Variants in CPNE4 observed in about 807,000 individuals in gnomAD.
The protein encoded by CPNE4 is copine 4, also known as copine-4.
Under a neutral mutation model 67.9 loss-of-function variants are expected in CPNE4, and 25 were observed. The ratio of observed to expected loss-of-function variants is 0.37; its 90% CI spans 0.27 to 0.51. The LOEUF (loss-of-function observed/expected upper bound fraction) is 0.51, where lower values mean the gene tolerates loss of function less well. Among genes scored for constraint, CPNE4 ranks in the 20% least tolerant of loss-of-function variants. The pLI is 0.93. For synonymous variants in CPNE4, 242 were observed against 244.9 expected, an observed-to-expected ratio of 0.99 and a Z score of 0.11; for missense variants, 464 against 690.8, an observed-to-expected ratio of 0.67 and a Z score of 3.68.
At chr3:131,601,008 G>T (rs1207792109) in intron 7 of CPNE4, among the ~76,000 whole-genome samples, 3 of 152,122 alleles carry the variant, frequency 2.0e-5, no homozygotes, top group East Asian at 3.9e-4. Flanking sequence ...CAAAATCAGA[G>T]AATTGGTTAA....
intron 2 of CPNE4, among the ~76,000 whole-genome samples, chr3:131,730,893 T>A (rs567546587): frequency 6.6e-6 from 1 of 152,268 alleles, no homozygotes; most frequent in Admixed American, 6.5e-5. Flanking sequence ...TTTCTGTTGT[T>A]TAAGCCACCC....
intron 2 of CPNE4, among the ~76,000 whole-genome samples, chr3:131,843,847 C>T (rs1170969076): frequency 1.3e-5 from 2 of 152,132 alleles, no homozygotes; most frequent in African/African-American, 2.4e-5. Context: ...TTCTGGTTTC[C>T]TTAGCCTTAT....
At chr3:131,792,834 C>T (rs571412375) in intron 2 of CPNE4, among the ~76,000 whole-genome samples, 102 of 135,622 alleles carry the variant, frequency 7.5e-4, no homozygotes, top group African/African-American at 2.7e-3. Flanking sequence ...ATAATGAGTG[C>T]GTGTGTGTAT....
intron 2 of CPNE4, among the ~76,000 whole-genome samples, chr3:131,860,226 C>A (rs1265107157): frequency 1.3e-5 from 2 of 152,096 alleles, no homozygotes; most frequent in African/African-American, 2.4e-5. Flanking sequence ...TAATGATGGT[C>A]ACAGTAAAAA....
At chr3:131,748,028 C>T (rs1429521951) in intron 2 of CPNE4, among the ~76,000 whole-genome samples, 1 of 151,856 alleles carries the variant, frequency 6.6e-6, no homozygotes, top group Non-Finnish European at 1.5e-5. Context: ...TCTCCTCTAT[C>T]CTGATTTTTC....
chr3:131,945,320 T>C (rs1356929998), intron 1 of CPNE4, among the ~76,000 whole-genome samples: 3 of 152,194 alleles, frequency 2.0e-5, no homozygotes, highest in Admixed American at 1.3e-4. Flanking sequence ...CATGGGCATA[T>C]GCTGCTCAAA....
intron 2 of CPNE4, among the ~76,000 whole-genome samples, chr3:131,872,065 T>C (rs1249791736): frequency 6.6e-6 from 1 of 152,158 alleles, no homozygotes; most frequent in Non-Finnish European, 1.5e-5. Context: ...GGGTGGACCT[T>C]TGTAACTGCC....
At chr3:131,630,131 T>C (rs973291831) in intron 7 of CPNE4, among the ~76,000 whole-genome samples, 2 of 152,244 alleles carry the variant, frequency 1.3e-5, no homozygotes, top group East Asian at 3.8e-4. Context: ...AGTAGCATGA[T>C]GAAATCTCAC....
chr3:131,549,387 T>C (rs1382123807), intron 14 of CPNE4, among the ~76,000 whole-genome samples: 1 of 152,036 alleles, frequency 6.6e-6, no homozygotes, highest in African/African-American at 2.4e-5. Context: ...AATACAGAAG[T>C]TATTGTGGTA....
At chr3:131,680,410 A>G (rs754414439) in intron 6 of CPNE4, among the ~76,000 whole-genome samples, 14 of 152,064 alleles carry the variant, frequency 9.2e-5, no homozygotes, top group Non-Finnish European at 1.3e-4. Flanking sequence ...CTGATTACAT[A>G]AAGAAACAGA....
chr3:131,711,911 A>G (rs1316029524), intron 3 of CPNE4, among the ~76,000 whole-genome samples: 1 of 152,128 alleles, frequency 6.6e-6, no homozygotes. Flanking sequence ...CTGTAATCAA[A>G]AATAATATTT....
intron 2 of CPNE4, among the ~76,000 whole-genome samples, chr3:131,780,817 A>G (rs770380327): frequency 5.9e-5 from 9 of 151,990 alleles, no homozygotes; most frequent in Non-Finnish European, 1.2e-4. Flanking sequence ...CTGCACACGT[A>G]CCTCTTGAAC....
At chr3:131,870,299 A>G (rs2087141848) in intron 2 of CPNE4, among the ~76,000 whole-genome samples, 1 of 152,230 alleles carries the variant, frequency 6.6e-6, no homozygotes, top group Admixed American at 6.5e-5. Context: ...ACACTGTGCT[A>G]AAATTTTAGA....
chr3:131,983,400 A>T (rs1435935681), intron 1 of CPNE4, among the ~76,000 whole-genome samples: 1 of 152,156 alleles, frequency 6.6e-6, no homozygotes, highest in African/African-American at 2.4e-5. Context: ...ACATATTATA[A>T]ATTCCTTGCT....
intron 2 of CPNE4, among the ~76,000 whole-genome samples, chr3:131,892,037 C>G (rs1220328017): frequency 1.3e-5 from 2 of 152,090 alleles, no homozygotes; most frequent in Non-Finnish European, 2.9e-5. Context: ...GAGAGGGAGG[C>G]AAAGAGTCTC....
rs145866508 is a variant in CPNE4 at position 131,638,249 on chromosome 3, G to A, written c.681+31426C>T. 1.2e-3 allele frequency among the ~76,000 whole-genome samples: 175 copies of A among 152,140 alleles called. 2 individuals are homozygous for A. Among genetic ancestry groups the A allele is most frequent in the African/African-American group, 3.8e-3 (159 of 41,524 alleles). ...TTCCACTTAAAAGATACAGAATGCC[G>A]GAATGGATAAGAATTCACCAACCAA... is the stretch of plus-strand genomic sequence containing the variant. On this transcript the variant is annotated intron_variant, in intron 7 of 15. Transcript: ENST00000429747.
At chr3:131,778,923 T>C (rs2107848880) in intron 2 of CPNE4, among the ~76,000 whole-genome samples, 1 of 152,198 alleles carries the variant, frequency 6.6e-6, no homozygotes, top group South Asian at 2.1e-4. Flanking sequence ...TATGATACTA[T>C]ACCTAGAAAA....
At chr3:131,972,360 G>C (rs1317303814) in intron 1 of CPNE4, among the ~76,000 whole-genome samples, 1 of 140,268 alleles carries the variant, frequency 7.1e-6, no homozygotes, top group African/African-American at 2.5e-5. Flanking sequence ...CCTCATCATA[G>C]CACTTACAAG....
At chr3:131,888,899 A>G (rs1583408264) in intron 2 of CPNE4, among the ~76,000 whole-genome samples, 2 of 152,208 alleles carry the variant, frequency 1.3e-5, no homozygotes, top group African/African-American at 2.4e-5. Context: ...TCTATTTTAC[A>G]AAGATAAATG....
Sources: allele counts gnomAD v4.1 joint callset (sites outside exome capture counted in the v4.1 genomes callset), GRCh38; gene constraint gnomAD v4.1.1; transcripts MANE v1.5; gene names NCBI Gene and HGNC (gene_info 2026-07-23, HGNC 2026-07-21).